NKAIN3: variants seen among roughly 807,000 people sequenced by gnomAD.
NKAIN3 encodes sodium/potassium transporting ATPase interacting 3.
A neutral mutation model predicts 30.2 loss-of-function variants in NKAIN3; 25 were observed. That is an observed-to-expected ratio of 0.83 (90% CI 0.60 to 1.16). The LOEUF (loss-of-function observed/expected upper bound fraction) is 1.16. Ranked by LOEUF, NKAIN3 falls within the 50% of genes most tolerant of loss-of-function variation. The probability of loss-of-function intolerance (pLI) is 0.00; values close to 1 mark genes in which losing one functional copy is unlikely to be tolerated. For synonymous variants in NKAIN3, 91 were observed against 89.6 expected (o/e 1.02, Z -0.09); for missense variants, 225 against 254.1 (o/e 0.89, Z 0.78).
intron 1 of NKAIN3, among the ~76,000 whole-genome samples, chr8:62,528,190 T>C (rs896236211): frequency 1.5e-4 from 23 of 149,178 alleles, no homozygotes; most frequent in Non-Finnish European, 2.8e-4. Flanking sequence ...ATATATATAC[T>C]TGGACGTAAA....
intron 1 of NKAIN3, among the ~76,000 whole-genome samples, chr8:62,489,655 T>A (rs903151008): frequency 6.6e-6 from 1 of 152,254 alleles, no homozygotes; most frequent in African/African-American, 2.4e-5. Flanking sequence ...TTATTTTAAT[T>A]GTGTTCTTCA....
At chr8:62,992,467 C>CTCTT (rs1336106319) in intron 5 of NKAIN3, among the ~76,000 whole-genome samples, 2 of 152,052 alleles carry the variant, frequency 1.3e-5, no homozygotes, top group Non-Finnish European at 2.9e-5. Context: ...GGCCTGAGTT[C>CTCTT]TCTTGCCTTT....
intron 5 of NKAIN3, among the ~76,000 whole-genome samples, chr8:62,933,029 C>CACACACACACACACACA (rs3222063): frequency 6.6e-6 from 1 of 151,296 alleles, no homozygotes; most frequent in African/African-American, 2.4e-5. Flanking sequence ...CACACACACA[C>CACACACACACACACACA]CAGGGAATGA....
chr8:62,482,569 T>C (rs1167380868), intron 1 of NKAIN3: 1 of 152,252 alleles, frequency 6.6e-6, no homozygotes, highest in Non-Finnish European at 1.5e-5. Flanking sequence ...AAAGGGATAG[T>C]CTGGCTTAGC....
chr8:62,930,501 G>A (rs932859131), intron 5 of NKAIN3, among the ~76,000 whole-genome samples: 10 of 151,964 alleles, frequency 6.6e-5, no homozygotes, highest in Middle Eastern at 3.2e-3. Context: ...TGATCCACCC[G>A]CCTCGGCCTC....
At chr8:62,302,883 A>G (rs1814099617) in intron 1 of NKAIN3, among the ~76,000 whole-genome samples, 1 of 142,834 alleles carries the variant, frequency 7.0e-6, no homozygotes, top group South Asian at 2.1e-4. Flanking sequence ...GGATTTCTTT[A>G]CAGTGGTAAC....
chr8:62,748,486 C>T (rs1816162058), intron 4 of NKAIN3, among the ~76,000 whole-genome samples: 1 of 152,124 alleles, frequency 6.6e-6, no homozygotes, highest in Admixed American at 6.5e-5. Context: ...TATGACTCAG[C>T]CTGTAGTTAA....
intron 3 of NKAIN3, among the ~76,000 whole-genome samples, chr8:62,716,746 A>G (rs1814916567): frequency 6.6e-6 from 1 of 151,830 alleles, no homozygotes; most frequent in African/African-American, 2.4e-5. Context: ...CTGAGAAGAA[A>G]AAAAAAAACA....
chr8:62,527,297 T>A (rs1321677721), intron 1 of NKAIN3, among the ~76,000 whole-genome samples: 1 of 152,146 alleles, frequency 6.6e-6, no homozygotes, highest in Non-Finnish European at 1.5e-5. Flanking sequence ...TGCTGTGAGG[T>A]TTACTGTTTC....
intron 1 of NKAIN3, among the ~76,000 whole-genome samples, chr8:62,283,429 G>T (rs1471186263): frequency 1.3e-5 from 2 of 152,048 alleles, no homozygotes; most frequent in East Asian, 3.9e-4. Flanking sequence ...TACACAAATA[G>T]AAAATTTAAA....
At chr8:62,329,027 A>G (rs573278588) in intron 1 of NKAIN3, among the ~76,000 whole-genome samples, 1 of 152,128 alleles carries the variant, frequency 6.6e-6, no homozygotes, top group South Asian at 2.1e-4. Context: ...AATCCATGTC[A>G]TCAGCAGCTT....
intron 1 of NKAIN3, among the ~76,000 whole-genome samples, chr8:62,412,333 G>A (rs940747839): frequency 3.3e-5 from 5 of 151,866 alleles, no homozygotes; most frequent in African/African-American, 9.7e-5. Context: ...AAAACAGTGG[G>A]GAAAGGTCTT....
chr8:62,916,535 AC>A (rs1236354796), intron 4 of NKAIN3, among the ~76,000 whole-genome samples: 1 of 152,132 alleles, frequency 6.6e-6, no homozygotes, highest in Non-Finnish European at 1.5e-5. Context: ...CCCTTCAAGT[AC>A]ACATTACGGC....
Position 62,596,609 on chromosome 8 carries a change from A to G in NKAIN3, c.273+6815A>G, listed in dbSNP as rs777922677. ...TTCTCTACCCCTAATTCTAGTGCCC[A>G]AGTGAGGGCTATTAGTTCTGCCAGC... On this transcript the variant is annotated intron_variant, in intron 3 of 6. Transcript: ENST00000623646. Among the ~76,000 whole-genome samples, 7 of 152,146 alleles carry G rather than the reference A, an allele frequency of 4.6e-5. No individual in the cohort carries two copies. In the East Asian group the frequency reaches 1.4e-3, roughly 30 times the overall value.
At chr8:62,818,291 C>T (rs1462846419) in intron 4 of NKAIN3, among the ~76,000 whole-genome samples, 1 of 152,096 alleles carries the variant, frequency 6.6e-6, no homozygotes, top group African/African-American at 2.4e-5. Context: ...TTGCAACTTT[C>T]TGTGAGATCG....
chr8:62,331,217 A>G (rs1815346869), intron 1 of NKAIN3, among the ~76,000 whole-genome samples: 1 of 146,370 alleles, frequency 6.8e-6, no homozygotes, highest in South Asian at 2.2e-4. Flanking sequence ...ATGTACATTT[A>G]AACCCTTTCT....
At chr8:62,384,244 G>C (rs1481958425) in intron 1 of NKAIN3, among the ~76,000 whole-genome samples, 1 of 152,142 alleles carries the variant, frequency 6.6e-6, no homozygotes, top group African/African-American at 2.4e-5. Context: ...ATAGCAATAA[G>C]AGGTGGCCAT....
At chr8:62,426,775 T>C (rs1804821082) in intron 1 of NKAIN3, among the ~76,000 whole-genome samples, 1 of 151,952 alleles carries the variant, frequency 6.6e-6, no homozygotes, top group Non-Finnish European at 1.5e-5. Context: ...TAGTTTTCCT[T>C]TTTTTTCCCC....
chr8:62,318,861 G>A (rs1397761637), intron 1 of NKAIN3, among the ~76,000 whole-genome samples: 2 of 152,178 alleles, frequency 1.3e-5, no homozygotes, highest in African/African-American at 4.8e-5. Flanking sequence ...ATGAGTTAGG[G>A]AGGATTCCCT....
Sources: gnomAD v4.1 joint callset for allele counts (sites outside exome capture counted in the v4.1 genomes callset) on GRCh38, gnomAD v4.1.1 for gene constraint, MANE v1.5 for transcripts, NCBI Gene and HGNC (gene_info 2026-07-23, HGNC 2026-07-21) for gene names.